SORCS1: variants seen among roughly 807,000 people sequenced by gnomAD.
The protein encoded by SORCS1 is VPS10 domain-containing receptor SorCS1.
In SORCS1, 60 loss-of-function variants were observed where a neutral mutation model predicts 146.1. The observed-to-expected ratio is 0.41, with a 90% CI of 0.33 to 0.51. The LOEUF is 0.51. Among genes scored for constraint, SORCS1 ranks in the 20% least tolerant of loss-of-function variants. The pLI, the probability that SORCS1 is intolerant of heterozygous loss-of-function variation, is 0.21. For synonymous variants in SORCS1, 637 were observed against 584.0 expected, an observed-to-expected ratio of 1.09 and a Z score of -1.31; for missense variants, 1,352 against 1,487.6, an observed-to-expected ratio of 0.91 and a Z score of 1.50.
chr10:106,926,880 G>GAA (rs1564818731), intron 2 of SORCS1, among the ~76,000 whole-genome samples: 185 of 65,642 alleles, frequency 2.8e-3, no homozygotes, highest in South Asian at 0.021. Context: ...GAGAGAGAGA[G>GAA]AGAGAGAGAG....
intron 22 of SORCS1, among the ~76,000 whole-genome samples, chr10:106,611,379 T>C (rs1846974034): frequency 6.6e-6 from 1 of 152,182 alleles, no homozygotes; most frequent in Non-Finnish European, 1.5e-5. Flanking sequence ...TTTTTGGGGC[T>C]GTTACAGTAC....
intron 19 of SORCS1, among the ~76,000 whole-genome samples, chr10:106,626,051 C>G (rs942760151): frequency 3.9e-5 from 6 of 152,204 alleles, no homozygotes; most frequent in Admixed American, 6.5e-5. Flanking sequence ...TATGCAGGAA[C>G]ATCGGCTCCA....
chr10:106,890,732 T>C (rs1951196468), intron 2 of SORCS1, among the ~76,000 whole-genome samples: 1 of 152,180 alleles, frequency 6.6e-6, no homozygotes, highest in South Asian at 2.1e-4. Flanking sequence ...GCCCTAACAT[T>C]GGCCCTGTTT....
intron 5 of SORCS1, among the ~76,000 whole-genome samples, chr10:106,760,937 T>C (rs1260575728): frequency 6.6e-6 from 1 of 152,022 alleles, no homozygotes; most frequent in South Asian, 2.1e-4. Context: ...TGAAACCCCA[T>C]CTCTACTAAA....
rs775002660 is a variant in SORCS1 at position 106,629,338 on chromosome 10, C to T, written c.2526G>A (p.Ala842=). 36 of 1,614,100 alleles carry T rather than the reference C, an allele frequency of 2.2e-5. 1 individual carries two copies. In the East Asian group the frequency reaches 4.7e-4, roughly 21 times the overall value. ...TGGAGCTGAGATTGACGTAAGACAC[C>T]GCGATACCATCGCCAAAGTCCACTT... ...LIQVDFGDGI[A]VSYVNLSSME... is the part of the protein sequence containing the mutation. The change falls in exon 19 of 26, where the codon GCG becomes GCA. Residue 842 remains alanine (A), a synonymous_variant. Coordinates refer to ENST00000263054, the MANE Select transcript of SORCS1 (RefSeq NM_052918.5).
At chr10:106,828,923 T>A (rs1468525694) in intron 3 of SORCS1, among the ~76,000 whole-genome samples, 1 of 152,218 alleles carries the variant, frequency 6.6e-6, no homozygotes, top group Non-Finnish European at 1.5e-5. Context: ...GCCATAACTC[T>A]GCAATGGGCA....
intron 1 of SORCS1, among the ~76,000 whole-genome samples, chr10:107,127,210 T>G (rs890564493): frequency 1.3e-5 from 2 of 152,198 alleles, no homozygotes; most frequent in Non-Finnish European, 2.9e-5. Context: ...AGATTCTAGA[T>G]GAAAACTAAC....
chr10:106,947,042 T>C (rs1214510040), intron 2 of SORCS1, among the ~76,000 whole-genome samples: 2 of 152,152 alleles, frequency 1.3e-5, no homozygotes, highest in Non-Finnish European at 2.9e-5. Context: ...AATACACATA[T>C]GAAAAGATGA....
At chr10:106,695,657 C>T (rs962184460) in intron 9 of SORCS1, among the ~76,000 whole-genome samples, 4 of 152,086 alleles carry the variant, frequency 2.6e-5, no homozygotes, top group Non-Finnish European at 1.5e-5. Flanking sequence ...TACACCATGC[C>T]TGGCATAAAG....
chr10:106,725,431 A>G (rs1009045960), intron 6 of SORCS1, among the ~76,000 whole-genome samples: 2 of 151,346 alleles, frequency 1.3e-5, no homozygotes, highest in Non-Finnish European at 2.9e-5. Context: ...GGCACCTATA[A>G]TCCCAGCTAC....
chr10:107,001,740 A>C (rs1055254349), intron 1 of SORCS1, among the ~76,000 whole-genome samples: 2 of 152,218 alleles, frequency 1.3e-5, no homozygotes, highest in Non-Finnish European at 2.9e-5. Context: ...CTGGTATTAC[A>C]GGGGTAAGCC....
At chr10:107,050,515 T>A (rs1290330184) in intron 1 of SORCS1, among the ~76,000 whole-genome samples, 2 of 152,188 alleles carry the variant, frequency 1.3e-5, no homozygotes, top group Non-Finnish European at 2.9e-5. Flanking sequence ...ATAATGGCAC[T>A]CTATTTAGGC....
chr10:106,775,750 GTCTC>G (rs1301778205), intron 4 of SORCS1, among the ~76,000 whole-genome samples: 2 of 152,144 alleles, frequency 1.3e-5, no homozygotes, highest in Admixed American at 6.6e-5. Flanking sequence ...TATGGCCAGA[GTCTC>G]TCTCACATTT....
chr10:106,806,810 C>T (rs1014548329), intron 3 of SORCS1, among the ~76,000 whole-genome samples: 1 of 151,840 alleles, frequency 6.6e-6, no homozygotes, highest in South Asian at 2.1e-4. Flanking sequence ...CCACCGCACC[C>T]GGAGGAGAGG....
At chr10:106,920,967 C>A (rs947097617) in intron 2 of SORCS1, among the ~76,000 whole-genome samples, 2 of 152,144 alleles carry the variant, frequency 1.3e-5, no homozygotes, top group Admixed American at 6.5e-5. Flanking sequence ...CAGCAACAGT[C>A]TCCATGGCAT....
At chr10:106,751,545 G>T (rs1858240673) in intron 5 of SORCS1, among the ~76,000 whole-genome samples, 2 of 152,094 alleles carry the variant, frequency 1.3e-5, no homozygotes, top group Non-Finnish European at 2.9e-5. Context: ...GAATTTCTCT[G>T]GTTACAGGGA....
intron 1 of SORCS1, among the ~76,000 whole-genome samples, chr10:107,153,983 A>G (rs1387618468): frequency 8.2e-6 from 1 of 121,604 alleles, no homozygotes; most frequent in Non-Finnish European, 1.8e-5. Context: ...AACCCTTACT[A>G]TTTCCAGTAT....
At chr10:107,102,841 A>G (rs1195685058) in intron 1 of SORCS1, among the ~76,000 whole-genome samples, 1 of 152,180 alleles carries the variant, frequency 6.6e-6, no homozygotes, top group Non-Finnish European at 1.5e-5. Context: ...CATTTTGTGA[A>G]CAGAAAAATG....
At chr10:107,161,786 G>C (rs1969724574) in intron 1 of SORCS1, among the ~76,000 whole-genome samples, 1 of 151,964 alleles carries the variant, frequency 6.6e-6, no homozygotes, top group Admixed American at 6.6e-5. Flanking sequence ...GCTTTGTTTT[G>C]GAGGACATAG....
Sources: allele counts gnomAD v4.1 joint callset (sites outside exome capture counted in the v4.1 genomes callset), GRCh38; gene constraint gnomAD v4.1.1; transcripts MANE v1.5; gene names NCBI Gene and HGNC (gene_info 2026-07-23, HGNC 2026-07-21).